LRRK2: variants seen among roughly 807,000 people sequenced by gnomAD.
The protein encoded by LRRK2 is leucine rich repeat kinase 2.
In LRRK2, 203 loss-of-function variants were observed where a neutral mutation model predicts 302.6. That is an observed-to-expected ratio of 0.67 (90% confidence interval 0.60 to 0.75). The LOEUF (loss-of-function observed/expected upper bound fraction) is 0.75. LRRK2 is among the 30% of genes least tolerant of loss of function. The probability of loss-of-function intolerance (pLI) is 0.00; values close to 1 mark genes in which losing one functional copy is unlikely to be tolerated. For missense variants in LRRK2, 2,830 were observed against 2,951.0 expected (o/e 0.96, Z 0.95); for synonymous variants, 1,066 against 1,031.9 (o/e 1.03, Z -0.63).
intron 3 of LRRK2, among the ~76,000 whole-genome samples, chr12:40,233,293 C>T (rs1941290085): frequency 6.6e-6 from 1 of 152,086 alleles, no homozygotes; most frequent in Non-Finnish European, 1.5e-5. Flanking sequence ...TTCTTTATCA[C>T]AGAAAAGGAA....
At chr12:40,319,904 T>A in intron 33 of LRRK2, 84 bp from the exon 34 acceptor site, 2 of 1,327,192 alleles carry the variant, frequency 1.5e-6, no homozygotes, top group Non-Finnish European at 2.1e-6. Context: ...CTACTTTCAC[T>A]GAGCAAAGAG....
Position 40,294,845 on chromosome 12 carries a change from G to A in LRRK2, c.2809G>A (p.Gly937Arg). 1.3e-6 allele frequency: 2 copies of A among 1,509,834 alleles called. No homozygotes were observed. The highest frequency in any genetic ancestry group is 1.8e-6 in the Non-Finnish European group (2 of 1,090,990). The allele number at this position is 1,509,834 out of a possible 1,614,324, so 93.5% of individuals were successfully genotyped here. ...TTTATTATAAATTATTTTTTAATAG[G>A]GGCCCATTTTTGATCATGAAGATTT... ...PNLQRHSNSL[G>R]PIFDHEDLLK... The change falls in exon 22 of 51, where the codon GGG becomes AGG. Residue 937 changes from glycine to arginine, a missense_variant and splice_region_variant. Physicochemically the swap from Gly to Arg is moderately radical, Grantham distance 125 (BLOSUM62 -2). Transcript: ENST00000298910.
chr12:40,317,193 TA>T (rs1166514693), intron 33 of LRRK2, among the ~76,000 whole-genome samples: 2 of 152,046 alleles, frequency 1.3e-5, no homozygotes, highest in African/African-American at 4.8e-5. Context: ...AAGTAAAAAT[TA>T]AGTTAATTTG....
At chr12:40,330,018 G>A (rs1377229899) in intron 39 of LRRK2, among the ~76,000 whole-genome samples, 2 of 152,172 alleles carry the variant, frequency 1.3e-5, no homozygotes, top group Admixed American at 1.3e-4. Context: ...TCCTCATTCA[G>A]CACATGACTT....
chr12:40,354,579 A>T (rs1946468041), intron 45 of LRRK2, 87 bp downstream of exon 45: 3 of 1,230,248 alleles, frequency 2.4e-6, no homozygotes, highest in South Asian at 1.3e-5. Flanking sequence ...ATCAGCAAAG[A>T]TTGTTCATTT....
At position 40,367,037 on chromosome 12, in the gene LRRK2, C is replaced by A. The variant is rs942467072; in HGVS notation, c.7422C>A (p.Gly2474=). ...GSLKNVMLVL[G]YNRKNTEGTQ... is the part of the protein sequence containing the mutation. The stretch of plus-strand genomic sequence containing the variant: ...TTAAAAATGTCATGCTGGTATTGGG[C>A]TACAACCGGAAAAATACTGAAGGTA... The change falls in exon 50 of 51, where the codon GGC becomes GGA. Residue 2474 remains glycine, a synonymous_variant. Transcript: ENST00000298910. 1 of 1,608,914 alleles carries A rather than the reference C, an allele frequency of 6.2e-7. No homozygotes were observed. Among genetic ancestry groups the A allele is most frequent in the Admixed American group, 1.7e-5 (1 of 59,678 alleles).
intron 2 of LRRK2, among the ~76,000 whole-genome samples, chr12:40,228,265 A>T (rs529683113): frequency 6.6e-6 from 1 of 151,724 alleles, no homozygotes; most frequent in Non-Finnish European, 1.5e-5. Flanking sequence ...TGTCTTTTTG[A>T]TAATAGCCAT....
At chr12:40,255,530 G>A (rs1177840615) in intron 11 of LRRK2, among the ~76,000 whole-genome samples, 2 of 152,162 alleles carry the variant, frequency 1.3e-5, no homozygotes, top group African/African-American at 4.8e-5. Flanking sequence ...ACCACACATT[G>A]GGTTACTGTC....
Position 40,304,019 on chromosome 12 carries a change from A to G in LRRK2, c.3662A>G (p.Asn1221Ser). ...LPGPAHWKSLNLRELLFSHNQ... is the reference protein window; with the variant it reads ...LPGPAHWKSLSLRELLFSHNQ... ...GGTCCCGCACACTGGAAATCTTTGA[A>G]CTTAAGGGAACTCTTATTTAGCCAT... The change falls in exon 27 of 51, where the codon AAC (asparagine) becomes AGC (serine). Residue 1221 changes from asparagine (N) to serine (S), a missense_variant. Physicochemically the swap from Asn to Ser is conservative, Grantham distance 46. Around this residue, in one of 3 missense-constraint regions of LRRK2, gnomAD observed 2,121 missense variants for 2,148.0 expected, o/e 0.99. Transcript: ENST00000298910. The G allele has an allele frequency of 6.2e-7, 1 of 1,613,778 alleles. No homozygotes were observed.
At chr12:40,353,631 G>A (rs551431345) in intron 44 of LRRK2, among the ~76,000 whole-genome samples, 2 of 152,194 alleles carry the variant, frequency 1.3e-5, no homozygotes, top group Non-Finnish European at 2.9e-5. Flanking sequence ...GCCAAGGCAG[G>A]CGGCTGGGAG....
intron 1 of LRRK2, 85 bp from the exon 2 acceptor site, chr12:40,225,470 C>A: frequency 7.4e-7 from 1 of 1,359,300 alleles, no homozygotes; most frequent in Non-Finnish European, 1.0e-6. Flanking sequence ...ACCTTTTTGA[C>A]TTTTCTCCCC....
rs1002630095 is a variant in LRRK2 at position 40,238,180 on chromosome 12, T to A, written c.571+77T>A. 39 of 1,416,822 alleles carry A rather than the reference T, an allele frequency of 2.8e-5. 1 individual carries two copies. In the Admixed American group the frequency reaches 7.6e-4, roughly 28 times the overall value. 87.8% of individuals were successfully genotyped at this position (1,416,822 alleles called of 1,614,324 possible). The stretch of plus-strand genomic sequence containing the variant: ...TACTGGGAAAAGTAGAACACAGTTA[T>A]AATAAGAAGAAGGTTTCTAAAATCC... On this transcript the variant is annotated intron_variant, in intron 5 of 50. Coordinates refer to ENST00000298910, the MANE Select transcript of LRRK2 (RefSeq NM_198578.4).
chr12:40,331,247 G>T (rs1049148597), intron 39 of LRRK2, among the ~76,000 whole-genome samples: 1 of 152,102 alleles, frequency 6.6e-6, no homozygotes, highest in African/African-American at 2.4e-5. Context: ...ATTCATGTAG[G>T]TTTGCTTGTT....
At chr12:40,339,800 A>G (rs1020653206) in intron 40 of LRRK2, among the ~76,000 whole-genome samples, 1 of 152,222 alleles carries the variant, frequency 6.6e-6, no homozygotes, top group Admixed American at 6.5e-5. Flanking sequence ...AAAAATAAAT[A>G]TCAATGATAA....
Position 40,319,977 on chromosome 12 carries a change from G to A in LRRK2, c.4828-11G>A, listed in dbSNP as rs202211993. ...AAATTTTAGTGATTATTTATGACTC[G>A]AATCTTTCAGATTTTGACAGTGAAA... is the stretch of plus-strand genomic sequence containing the variant. On this transcript the variant is annotated splice_polypyrimidine_tract_variant and intron_variant, in intron 33 of 50. Transcript: ENST00000298910. The A allele has an allele frequency of 1.0e-5, 16 of 1,604,666 alleles. No individual in the cohort carries two copies. The highest frequency in any genetic ancestry group is 4.0e-5 in the African/African-American group (3 of 74,280).
Position 40,305,719 on chromosome 12 carries a change from C to G in LRRK2, c.3778-66C>G, listed in dbSNP as rs140522254. On this transcript the variant is annotated intron_variant, in intron 27 of 50. Coordinates refer to ENST00000298910, the MANE Select transcript of LRRK2 (RefSeq NM_198578.4). ...TGTGAGCCTTTCTTGTTTCTTATCACGTTTTTTGGCAGAGCACATTTCTTC... is the reference window on the plus strand; with the variant it reads ...TGTGAGCCTTTCTTGTTTCTTATCAGGTTTTTTGGCAGAGCACATTTCTTC... 3.2e-3 allele frequency: 4,413 copies of G among 1,387,888 alleles called. 17 individuals carry two copies. Among genetic ancestry groups the G allele is most frequent in the Middle Eastern group, 0.017 (98 of 5,644 alleles). 86.0% of individuals were successfully genotyped at this position (1,387,888 alleles called of 1,614,324 possible).
intron 33 of LRRK2, chr12:40,316,199 T>C (rs1356184859): frequency 3.0e-6 from 1 of 334,892 alleles, no homozygotes; most frequent in Non-Finnish European, 4.3e-6. Flanking sequence ...ATGTTAGAAA[T>C]ATCTCTTCCA....
In LRRK2 at chr12:40,237,987, T is replaced by C. The variant is rs2136421487; in HGVS notation, c.455T>C (p.Ile152Thr). 2 of 1,612,414 alleles carry C rather than the reference T, an allele frequency of 1.2e-6. No individual in the cohort carries two copies. Among genetic ancestry groups the C allele is most frequent in the South Asian group, 1.1e-5 (1 of 91,058 alleles). The change falls in exon 5 of 51, where the codon ATA becomes ACA. Residue 152 changes from isoleucine (I) to threonine (T), a missense_variant. Around this residue, in one of 3 missense-constraint regions of LRRK2, gnomAD observed 2,121 missense variants for 2,148.0 expected, o/e 0.99. Transcript: ENST00000298910. ...AAAATAGGTAAAATCACCTTGCTGATATTGGATGAAGAAAGTGATATTTTC... is the reference window on the plus strand; with the variant it reads ...AAAATAGGTAAAATCACCTTGCTGACATTGGATGAAGAAAGTGATATTTTC... Reference protein sequence around the residue: ...LLTSGKITLLILDEESDIFML... With the variant: ...LLTSGKITLLTLDEESDIFML...
Position 40,304,150 on chromosome 12 carries a change from C to T in LRRK2, c.3777+16C>T, listed in dbSNP as rs756624439. The T allele has an allele frequency of 1.2e-6, 2 of 1,606,950 alleles. No homozygotes were observed. The highest frequency in any genetic ancestry group is 1.1e-5 in the South Asian group (1 of 90,630). ...ACTGAAAGAGGTAAGACGATTATTGCCACTTAAAAAATATACTTTATGATT... is the reference window on the plus strand; with the variant it reads ...ACTGAAAGAGGTAAGACGATTATTGTCACTTAAAAAATATACTTTATGATT... On this transcript the variant is annotated intron_variant, in intron 27 of 50. Coordinates refer to ENST00000298910, the MANE Select transcript of LRRK2 (RefSeq NM_198578.4).
Sources: allele counts gnomAD v4.1 joint callset (sites outside exome capture counted in the v4.1 genomes callset), GRCh38; gene constraint gnomAD v4.1.1; regional missense constraint gnomAD v4.1.1; transcripts MANE v1.5; gene names NCBI Gene and HGNC (gene_info 2026-07-23, HGNC 2026-07-21).